Variants in ITIH5 observed in about 807,000 individuals in gnomAD.
ITIH5 encodes inter-alpha-trypsin inhibitor heavy chain 5.
A neutral mutation model predicts 77.5 loss-of-function variants in ITIH5; 65 were observed. The observed-to-expected ratio is 0.84, with a 90% CI of 0.69 to 1.03. The LOEUF (loss-of-function observed/expected upper bound fraction) is 1.03. ITIH5 is among the 50% of genes least tolerant of loss of function. ITIH5 has a pLI of 0.00. For synonymous variants in ITIH5, 525 were observed against 494.3 expected (o/e 1.06, Z -0.82); for missense variants, 1,208 against 1,213.1 (o/e 1.00, Z 0.06).
intron 1 of ITIH5, among the ~76,000 whole-genome samples, chr10:7,660,726 G>A (rs1018822796): frequency 1.3e-5 from 2 of 152,210 alleles, no homozygotes; most frequent in African/African-American, 4.8e-5. Flanking sequence ...GTCCATCCAT[G>A]GGAAAGAATG....
chr10:7,644,913 C>CAT (rs372728125), intron 2 of ITIH5, among the ~76,000 whole-genome samples: 1,772 of 27,588 alleles, frequency 0.064, 125 homozygotes, highest in Admixed American at 0.14. Flanking sequence ...ATATATATCA[C>CAT]ATATATATAT....
At chr10:7,610,069 CTTTTTTTT>C (rs5782989) in intron 7 of ITIH5, among the ~76,000 whole-genome samples, 3 of 86,736 alleles carry the variant, frequency 3.5e-5, no homozygotes, top group South Asian at 4.2e-4. Context: ...TTTCTTTTTT[CTTTTTTTT>C]TTTTTTTTTT....
intron 7 of ITIH5, among the ~76,000 whole-genome samples, chr10:7,588,596 C>T (rs1418966071): frequency 1.3e-5 from 2 of 152,194 alleles, no homozygotes; most frequent in South Asian, 2.1e-4. Flanking sequence ...GCTGAGCAAA[C>T]GTTCGCCTAA....
chr10:7,585,866 G>A, intron 8 of ITIH5, 35 bp downstream of exon 8: 103 of 1,360,476 alleles, frequency 7.6e-5, no homozygotes, highest in South Asian at 3.2e-4. Context: ...TTATTTCAAA[G>A]CCAAGCCAAT....
chr10:7,608,611 C>A (rs1322478659), intron 7 of ITIH5, among the ~76,000 whole-genome samples: 1 of 152,146 alleles, frequency 6.6e-6, no homozygotes, highest in Non-Finnish European at 1.5e-5. Context: ...ATGTGGCAGA[C>A]CCACATAGTC....
chr10:7,573,478 G>A (rs1437367514), intron 10 of ITIH5, among the ~76,000 whole-genome samples: 1 of 151,210 alleles, frequency 6.6e-6, no homozygotes, highest in Non-Finnish European at 1.5e-5. Flanking sequence ...ACCGGCCTGG[G>A]CAATATAGTG....
chr10:7,573,597 G>A (rs1424575310), intron 10 of ITIH5, among the ~76,000 whole-genome samples: 1 of 146,448 alleles, frequency 6.8e-6, no homozygotes, highest in Non-Finnish European at 1.5e-5. Flanking sequence ...GATCACTTGA[G>A]CCCAGGAGAT....
chr10:7,564,928 TATAC>T (rs1176596929), intron 13 of ITIH5, among the ~76,000 whole-genome samples: 11 of 148,336 alleles, frequency 7.4e-5, no homozygotes, highest in African/African-American at 2.7e-4. Context: ...TATATATATA[TATAC>T]ACACACCATA....
At chr10:7,610,053 CT>C (rs1219450706) in intron 7 of ITIH5, among the ~76,000 whole-genome samples, 19 of 138,074 alleles carry the variant, frequency 1.4e-4, no homozygotes, top group African/African-American at 8.0e-5. Flanking sequence ...CCCTCCCTTT[CT>C]TTTTTTTCTT....
At chr10:7,604,350 C>A (rs1264280830) in intron 7 of ITIH5, among the ~76,000 whole-genome samples, 1 of 152,170 alleles carries the variant, frequency 6.6e-6, no homozygotes, top group East Asian at 1.9e-4. Context: ...TTCAACCCCC[C>A]ACCTCAGAGC....
intron 8 of ITIH5, among the ~76,000 whole-genome samples, chr10:7,585,477 C>T (rs1299532886): frequency 6.6e-6 from 1 of 152,178 alleles, no homozygotes; most frequent in Non-Finnish European, 1.5e-5. Context: ...GCAGCTCTAC[C>T]AAGAGGGCTC....
intron 10 of ITIH5, 37 bp from the exon 11 acceptor site, chr10:7,573,232 C>A (rs4747517): frequency 0.44 from 686,512 of 1,571,782 alleles, 153,223 homozygotes; most frequent in Middle Eastern, 0.55. Context: ...ATGGTCATTC[C>A]TTAAAGAAGA....
At chr10:7,614,253 G>A (rs1373512531) in intron 7 of ITIH5, among the ~76,000 whole-genome samples, 1 of 152,152 alleles carries the variant, frequency 6.6e-6, no homozygotes. Context: ...TGGAGCAGTT[G>A]GCAGGTTGCG....
At position 7,583,606 on chromosome 10, in the gene ITIH5, T is replaced by C. The variant is rs185215723; in HGVS notation, c.1108+2295A>G. ...GCCTTGGCCTCCCAAAGTGCCAGGG[T>C]TATAGGTATGAGCCACTGCGCCTGG... On this transcript the variant is annotated intron_variant, in intron 8 of 13. Transcript: ENST00000397146. 5.3e-5 allele frequency among the ~76,000 whole-genome samples: 8 copies of C among 152,188 alleles called. No individual in the cohort carries two copies. The East Asian group carries it at 1.5e-3, about 29-fold the overall frequency.
chr10:7,566,844 G>GGAAGAA lies in ITIH5; in HGVS notation c.2150-443_2150-438dup, dbSNP rs576015885. Among the ~76,000 whole-genome samples, 64 of 17,786 alleles carry GGAAGAA rather than the reference G, an allele frequency of 3.6e-3. 4 individuals are homozygous for GGAAGAA. The highest frequency in any genetic ancestry group is 7.5e-3 in the East Asian group (2 of 266). The allele number at this position is 17,786 out of a possible 152,430, so 11.7% of individuals were successfully genotyped here. On this transcript the variant is annotated intron_variant, in intron 12 of 13. Transcript: ENST00000397146. The stretch of plus-strand genomic sequence containing the variant: ...AGGAAGAGGAAGAGGAAGAGGAAGA[G>GGAAGAA]GAAGAAGAAGAAGAAGAAGAAGAAG...
At position 7,566,156 on chromosome 10, in the gene ITIH5, G is replaced by A; in HGVS notation, c.2401C>T (p.Gln801Ter). 6.2e-7 allele frequency: 1 copy of A among 1,614,108 alleles called. No homozygotes were observed. Among genetic ancestry groups the A allele is most frequent in the East Asian group, 2.2e-5 (1 of 44,880 alleles). ...AGGATGACAAAGGCTATGGAGCCCT[G>A]GATGGTGACGGTGACATTGGCGTTG... The part of the protein sequence containing the change: ...SANANVTVTI[Q>*]GSIAFVILIH... The change falls in exon 13 of 14, where the codon CAG becomes TAG. Residue 801 changes from glutamine to a stop codon, truncating the protein, a stop_gained. Coordinates refer to ENST00000397146, the MANE Select transcript of ITIH5 (RefSeq NM_030569.7). LOFTEE classifies it high-confidence loss of function.
intron 5 of ITIH5, among the ~76,000 whole-genome samples, chr10:7,636,168 C>T (rs570833638): frequency 2.7e-4 from 41 of 151,788 alleles, no homozygotes; most frequent in African/African-American, 9.7e-4. Context: ...AACCAGAAAG[C>T]CCCCTCCCAA....
intron 7 of ITIH5, 34 bp from the exon 8 acceptor site, chr10:7,586,103 T>C: frequency 6.3e-7 from 1 of 1,586,002 alleles, no homozygotes; most frequent in East Asian, 2.2e-5. Context: ...CAGTCACAGC[T>C]GCTCACATAA....
chr10:7,624,739 T>C (rs1354461268), intron 5 of ITIH5, among the ~76,000 whole-genome samples: 2 of 123,416 alleles, frequency 1.6e-5, no homozygotes, highest in African/African-American at 6.0e-5. Flanking sequence ...TGAGCCAAGA[T>C]TGTGTCACTG....
Sources: gnomAD v4.1 joint callset for allele counts (sites outside exome capture counted in the v4.1 genomes callset) on GRCh38, gnomAD v4.1.1 for gene constraint, MANE v1.5 for transcripts, NCBI Gene and HGNC (gene_info 2026-07-23, HGNC 2026-07-21) for gene names.